Variants in SHANK2 observed in about 807,000 individuals in gnomAD.
The protein encoded by SHANK2 is SH3 and multiple ankyrin repeat domains protein 2.
SHANK2 carries 43 observed loss-of-function variants against 133.7 expected under a neutral mutation model. The observed-to-expected ratio is 0.32, with a 90% CI of 0.25 to 0.41. The LOEUF is 0.41. Ranked by LOEUF, SHANK2 falls within the 10% of genes least tolerant of loss-of-function variation. The pLI is 1.00. For missense variants in SHANK2, 1,994 were observed against 2,235.8 expected, an observed-to-expected ratio of 0.89 and a Z score of 2.18; for synonymous variants, 1,017 against 952.8, an observed-to-expected ratio of 1.07 and a Z score of -1.24.
chr11:71,139,465 C>T (rs1952511049), intron 3 of SHANK2, among the ~76,000 whole-genome samples: 1 of 151,902 alleles, frequency 6.6e-6, no homozygotes, highest in South Asian at 2.1e-4. Flanking sequence ...AACTAACCTG[C>T]ACATTGTGCA....
At chr11:70,815,175 AACACACACACACACACACACAC>A (rs61610592) in intron 12 of SHANK2, among the ~76,000 whole-genome samples, 1,244 of 119,706 alleles carry the variant, frequency 0.01, 19 homozygotes, top group African/African-American at 0.033. Flanking sequence ...TGGGAGAAGA[AACACACACACACACACACACAC>A]ACACACACAC....
chr11:70,500,868 C>T lies in SHANK2; in HGVS notation c.2288-278G>A, dbSNP rs900709120. On this transcript the variant is annotated intron_variant, in intron 20 of 25. Coordinates refer to ENST00000601538, the MANE Select transcript of SHANK2 (RefSeq NM_012309.5). This position sits in a 1 kb window ranked among gnomAD's most constrained non-coding sequence, Gnocchi z 4.5. ...GGGCTTTCCTTCTTCCTCAGCACCC[C>T]TTGTCCCACCAGCACCCTGCCAAAG... 2 of 681,380 alleles carry T rather than the reference C, an allele frequency of 2.9e-6. No individual in the cohort carries two copies. The highest frequency in any genetic ancestry group is 5.4e-6 in the Non-Finnish European group (2 of 368,688). 42.2% of individuals were successfully genotyped at this position (681,380 alleles called of 1,614,324 possible).
At chr11:71,122,108 A>T (rs1952092803) in intron 3 of SHANK2, among the ~76,000 whole-genome samples, 1 of 152,230 alleles carries the variant, frequency 6.6e-6, no homozygotes, top group Non-Finnish European at 1.5e-5. Context: ...AGGATCTAGA[A>T]CTAGCAATAC....
rs1948202760 is a variant in SHANK2 at position 71,252,512 on chromosome 11, C to G, written c.-200G>C. On this transcript the variant is annotated 5_prime_UTR_variant, in exon 1 of 26. Transcript: ENST00000601538. This position sits in a 1 kb window ranked among gnomAD's most constrained non-coding sequence, Gnocchi z 6.3. ...GGATCGGCCGCGGGAACCCGAGCGG[C>G]GCCGCGCCCAGCCCCGCCGGAGCTC... is the stretch of plus-strand genomic sequence containing the variant. 2.6e-5 allele frequency: 4 copies of G among 151,064 alleles called. No individual in the cohort carries two copies. Among genetic ancestry groups the G allele is most frequent in the Non-Finnish European group, 5.9e-5 (4 of 67,660 alleles). The allele number at this position is 151,064 out of a possible 1,614,324, so 9.4% of individuals were successfully genotyped here. A position where few individuals can be genotyped will look rare whatever the true frequency, so the allele number is the denominator to read the frequency against.
At chr11:70,614,555 C>T (rs1554995389) in intron 17 of SHANK2, among the ~76,000 whole-genome samples, 1 of 152,142 alleles carries the variant, frequency 6.6e-6, no homozygotes, top group African/African-American at 2.4e-5. Flanking sequence ...TCAGGTGATC[C>T]ACCTGCCTTG....
chr11:70,468,639 C>T lies in SHANK2; in HGVS notation c.*4230G>A, dbSNP rs930991194. The T allele has an allele frequency of 3.9e-5, 6 of 152,084 alleles. No homozygotes were observed. The highest frequency in any genetic ancestry group is 9.7e-5 in the African/African-American group (4 of 41,402). The allele number at this position is 152,084 out of a possible 1,614,324, so 9.4% of individuals were successfully genotyped here. On this transcript the variant is annotated 3_prime_UTR_variant, in exon 26 of 26. Coordinates refer to ENST00000601538, the MANE Select transcript of SHANK2 (RefSeq NM_012309.5). ...CTAGGAAAAGTGGTCTGGAAGAAACCATTGGAAGCAAAGTCTAGGGGGGTG... is the reference window on the plus strand; with the variant it reads ...CTAGGAAAAGTGGTCTGGAAGAAACTATTGGAAGCAAAGTCTAGGGGGGTG...
Position 71,188,966 on chromosome 11 carries a change from G to T in SHANK2, c.-13+35731C>A, listed in dbSNP as rs1260334836. 6.6e-6 allele frequency among the ~76,000 whole-genome samples: 1 copy of T among 152,208 alleles called. No homozygotes were observed. Among genetic ancestry groups the T allele is most frequent in the Non-Finnish European group, 1.5e-5 (1 of 68,030 alleles). On this transcript the variant is annotated intron_variant, in intron 2 of 25. Coordinates refer to ENST00000601538, the MANE Select transcript of SHANK2 (RefSeq NM_012309.5). The surrounding 1 kb of genome is among the most constrained non-coding windows in gnomAD (Gnocchi z 4.6). Reference sequence around the variant, plus strand: ...CTCCACGGCCCCCCACTCCCACCTAGATGGAGTCCCAGGAAGCTGCCCCAC... The same window carrying T: ...CTCCACGGCCCCCCACTCCCACCTATATGGAGTCCCAGGAAGCTGCCCCAC...
chr11:70,826,022 C>T (rs1262360076), intron 11 of SHANK2, among the ~76,000 whole-genome samples: 2 of 152,242 alleles, frequency 1.3e-5, no homozygotes, highest in Non-Finnish European at 2.9e-5. Flanking sequence ...GTAACTGCAA[C>T]CCCGGGATGG....
intron 15 of SHANK2, among the ~76,000 whole-genome samples, chr11:70,670,388 G>A (rs1555015771): frequency 6.6e-6 from 1 of 152,222 alleles, no homozygotes; most frequent in Non-Finnish European, 1.5e-5. Flanking sequence ...TTACGTGGGG[G>A]GTGTTGAGGT....
At chr11:70,845,957 C>T (rs1020272391) in intron 11 of SHANK2, among the ~76,000 whole-genome samples, 23 of 152,152 alleles carry the variant, frequency 1.5e-4, no homozygotes, top group African/African-American at 5.5e-4. Context: ...ACCCCAGAGA[C>T]GCTGTTCCCC....
chr11:70,507,721 G>T (rs1554968645), intron 17 of SHANK2, among the ~76,000 whole-genome samples: 6 of 152,334 alleles, frequency 3.9e-5, no homozygotes. Flanking sequence ...ACTTGGGCTT[G>T]CAAAAGCCAG....
At chr11:70,777,087 AC>A (rs1358874987) in intron 14 of SHANK2, among the ~76,000 whole-genome samples, 1 of 146,784 alleles carries the variant, frequency 6.8e-6, no homozygotes, top group African/African-American at 2.6e-5. Flanking sequence ...TCATTCACTC[AC>A]CCATCCTCCC....
At chr11:70,660,036 G>A (rs1342603050) in intron 16 of SHANK2, 84 bp from the exon 17 acceptor site, 3 of 1,579,738 alleles carry the variant, frequency 1.9e-6, no homozygotes, top group South Asian at 2.3e-5. Context: ...AGGACCCCGG[G>A]AGGAAGTGGG....
chr11:71,185,959 T>C lies in SHANK2; in HGVS notation c.-12-38621A>G, dbSNP rs114639391. Among the ~76,000 whole-genome samples, 1,249 of 152,050 alleles carry C rather than the reference T, an allele frequency of 8.2e-3. 18 individuals carry two copies. Among genetic ancestry groups the C allele is most frequent in the African/African-American group, 0.027 (1,139 of 41,468 alleles). On this transcript the variant is annotated intron_variant, in intron 2 of 25. Transcript: ENST00000601538. ...GTCTCCCATGGCGCATTCCCAACAA[T>C]GGAAAATACAATGGTACGGTGACAC...
intron 10 of SHANK2, among the ~76,000 whole-genome samples, chr11:70,897,739 T>C (rs1448736291): frequency 6.6e-6 from 1 of 152,210 alleles, no homozygotes; most frequent in African/African-American, 2.4e-5. Flanking sequence ...TTGTGTTTTT[T>C]CTTCCTTACT....
At chr11:71,190,448 C>A (rs1555115179) in intron 2 of SHANK2, among the ~76,000 whole-genome samples, 1 of 152,218 alleles carries the variant, frequency 6.6e-6, no homozygotes, top group Admixed American at 6.5e-5. Context: ...CACTCCTGAA[C>A]TAACCCCTGC....
In SHANK2 at chr11:70,485,541, G is replaced by C; in HGVS notation, c.4752C>G (p.Pro1584=). 6.2e-7 allele frequency: 1 copy of C among 1,612,852 alleles called. No individual in the cohort carries two copies. Among genetic ancestry groups the C allele is most frequent in the Middle Eastern group, 1.6e-4 (1 of 6,062 alleles). ...SFVIPPPAPP[P]PPGSAQPGMA... ...TCCCAGGCTGGGCACTGCCCGGCGGGGGCGGGGGAGCGGGCGGGGGGATAA... is the reference window on the plus strand; with the variant it reads ...TCCCAGGCTGGGCACTGCCCGGCGGCGGCGGGGGAGCGGGCGGGGGGATAA... Residue 1584 remains proline, a synonymous_variant, in exon 25 of 26, where the codon CCC becomes CCG. Coordinates refer to ENST00000601538, the MANE Select transcript of SHANK2 (RefSeq NM_012309.5). The surrounding 1 kb of genome is among the most constrained non-coding windows in gnomAD (Gnocchi z 5.8).
intron 2 of SHANK2, among the ~76,000 whole-genome samples, chr11:71,221,590 A>G (rs1315149573): frequency 6.6e-6 from 1 of 152,238 alleles, no homozygotes; most frequent in Non-Finnish European, 1.5e-5. Flanking sequence ...AGGAAAAACC[A>G]CATCTTCAAA....
At position 71,057,190 on chromosome 11, in the gene SHANK2, C is replaced by T. The variant is rs988660185; in HGVS notation, c.1030-632G>A. Among the ~76,000 whole-genome samples, 317 of 152,136 alleles carry T rather than the reference C, an allele frequency of 2.1e-3. 3 individuals are homozygous for T. Among genetic ancestry groups the T allele is most frequent in the African/African-American group, 7.5e-3 (310 of 41,512 alleles). The stretch of plus-strand genomic sequence containing the variant: ...TCTCTACAAAAATACAAAAATTAGC[C>T]GGGCATGGAGGCATGCGCCTGTAAT... On this transcript the variant is annotated intron_variant, in intron 9 of 25. Coordinates refer to ENST00000601538, the MANE Select transcript of SHANK2 (RefSeq NM_012309.5).
Sources: allele counts gnomAD v4.1 joint callset (sites outside exome capture counted in the v4.1 genomes callset), GRCh38; gene constraint gnomAD v4.1.1; non-coding constraint Gnocchi (gnomAD v3.1); transcripts MANE v1.5; gene names NCBI Gene and HGNC (gene_info 2026-07-23, HGNC 2026-07-21).